Variants in ZC3H12C observed in about 807,000 individuals in gnomAD.
ZC3H12C encodes the protein probable ribonuclease ZC3H12C.
Under a neutral mutation model 76.3 loss-of-function variants are expected in ZC3H12C, and 20 were observed. The ratio of observed to expected loss-of-function variants is 0.26; its 90% CI spans 0.18 to 0.38. The LOEUF (loss-of-function observed/expected upper bound fraction) is 0.38. Ranked by LOEUF, ZC3H12C falls within the 10% of genes least tolerant of loss-of-function variation. The pLI is 1.00. For missense variants in ZC3H12C, 874 were observed against 1,086.5 expected, an observed-to-expected ratio of 0.80 and a Z score of 2.75; for synonymous variants, 352 against 399.6, an observed-to-expected ratio of 0.88 and a Z score of 1.42.
chr11:110,128,997 T>C (rs1319121503), intron 1 of ZC3H12C, among the ~76,000 whole-genome samples: 3 of 152,094 alleles, frequency 2.0e-5, no homozygotes, highest in African/African-American at 7.2e-5. Context: ...ACATTGTAAT[T>C]TGCAATAAGC....
At chr11:110,114,446 A>G (rs1444226342) in intron 1 of ZC3H12C, among the ~76,000 whole-genome samples, 1 of 152,154 alleles carries the variant, frequency 6.6e-6, no homozygotes, top group Non-Finnish European at 1.5e-5. Flanking sequence ...AATACATTTT[A>G]TAGTTCTTAA....
intron 4 of ZC3H12C, among the ~76,000 whole-genome samples, chr11:110,161,242 T>G (rs773110044): frequency 6.6e-6 from 1 of 152,222 alleles, no homozygotes; most frequent in Non-Finnish European, 1.5e-5. Context: ...TGTACCAGCA[T>G]CAGCATGATC....
chr11:110,118,843 G>T (rs1199942924), intron 1 of ZC3H12C, among the ~76,000 whole-genome samples: 4 of 151,570 alleles, frequency 2.6e-5, no homozygotes, highest in South Asian at 4.2e-4. Context: ...AAATATATAA[G>T]TTCCCCGTAA....
intron 2 of ZC3H12C, among the ~76,000 whole-genome samples, chr11:110,146,489 T>G (rs1023912463): frequency 6.6e-6 from 1 of 152,212 alleles, no homozygotes; most frequent in Non-Finnish European, 1.5e-5. Context: ...ATTTCCTGTC[T>G]GATTTCCCGA....
chr11:110,154,555 A>C (rs597507), intron 3 of ZC3H12C, among the ~76,000 whole-genome samples: 2 of 151,784 alleles, frequency 1.3e-5, no homozygotes, highest in African/African-American at 4.8e-5. Flanking sequence ...TTTGGGAAAA[A>C]TGTACTTGTT....
intron 1 of ZC3H12C, among the ~76,000 whole-genome samples, chr11:110,127,264 A>G (rs749787994): frequency 1.3e-5 from 2 of 152,214 alleles, no homozygotes; most frequent in African/African-American, 2.4e-5. Context: ...CATACAGGCA[A>G]TATTCTTAGC....
chr11:110,158,925 G>A (rs1472977489), intron 3 of ZC3H12C, among the ~76,000 whole-genome samples: 1 of 152,228 alleles, frequency 6.6e-6, no homozygotes, highest in Admixed American at 6.5e-5. Flanking sequence ...TAGGAACGTG[G>A]AAGAAGCTGT....
chr11:110,125,310 TGTGTGTGTGTGG>T (rs1273397672), intron 1 of ZC3H12C, among the ~76,000 whole-genome samples: 13 of 145,386 alleles, frequency 8.9e-5, no homozygotes, highest in Middle Eastern at 7.0e-3. Flanking sequence ...TGTGTGTGTG[TGTGTGTGTGTGG>T]TTTTTTTTGT....
At chr11:110,146,105 G>C (rs1293312786) in intron 2 of ZC3H12C, among the ~76,000 whole-genome samples, 2 of 152,124 alleles carry the variant, frequency 1.3e-5, no homozygotes, top group Non-Finnish European at 2.9e-5. Context: ...TCCTGCCTCA[G>C]CCTCCTGAGT....
chr11:110,146,741 C>G (rs1316602919), intron 2 of ZC3H12C, among the ~76,000 whole-genome samples: 17 of 152,156 alleles, frequency 1.1e-4, no homozygotes, highest in Admixed American at 1.1e-3. Flanking sequence ...TTGTCTTTAT[C>G]TTTCTACATT....
chr11:110,101,016 G>C (rs931864966), intron 1 of ZC3H12C, among the ~76,000 whole-genome samples: 1 of 152,088 alleles, frequency 6.6e-6, no homozygotes, highest in African/African-American at 2.4e-5. Flanking sequence ...CTACTCCAGT[G>C]AACACACAAA....
chr11:110,163,486 G>T, intron 5 of ZC3H12C, 107 bp downstream of exon 5: 1 of 775,810 alleles, frequency 1.3e-6, no homozygotes, highest in Non-Finnish European at 2.0e-6. Context: ...ATAATATGCA[G>T]TTCTTTGGAT....
intron 2 of ZC3H12C, among the ~76,000 whole-genome samples, chr11:110,143,407 C>T (rs912442058): frequency 2.0e-5 from 3 of 150,912 alleles, no homozygotes; most frequent in Non-Finnish European, 4.4e-5. Flanking sequence ...TTCATGTGTC[C>T]AAGATGGTTT....
chr11:110,100,079 C>T (rs1279571141), intron 1 of ZC3H12C, among the ~76,000 whole-genome samples: 2 of 152,030 alleles, frequency 1.3e-5, no homozygotes, highest in Non-Finnish European at 2.9e-5. Context: ...AGGATTTTTA[C>T]CTTGTTAGTA....
intron 1 of ZC3H12C, among the ~76,000 whole-genome samples, chr11:110,096,833 G>A (rs1473437669): frequency 6.6e-6 from 1 of 152,186 alleles, no homozygotes; most frequent in African/African-American, 2.4e-5. Flanking sequence ...GGCAAGGACC[G>A]TGTCTTTTTG....
chr11:110,102,933 A>AT (rs1031481483), intron 1 of ZC3H12C, among the ~76,000 whole-genome samples: 2 of 152,192 alleles, frequency 1.3e-5, no homozygotes, highest in East Asian at 1.9e-4. Flanking sequence ...AGGCATGTAC[A>AT]TTTTTTTAGA....
chr11:110,154,880 G>C (rs1862347232), intron 3 of ZC3H12C, among the ~76,000 whole-genome samples: 1 of 130,674 alleles, frequency 7.7e-6, no homozygotes, highest in African/African-American at 2.8e-5. Context: ...AGCATCAAAA[G>C]GCTAGGAATA....
intron 2 of ZC3H12C, among the ~76,000 whole-genome samples, chr11:110,141,948 A>G (rs1400307510): frequency 2.0e-5 from 3 of 152,166 alleles, no homozygotes; most frequent in African/African-American, 7.2e-5. Flanking sequence ...TTATATTTCT[A>G]TTGAATAGCC....
intron 2 of ZC3H12C, among the ~76,000 whole-genome samples, chr11:110,146,004 T>C (rs1377184849): frequency 2.6e-5 from 4 of 152,224 alleles, no homozygotes; most frequent in African/African-American, 4.8e-5. Flanking sequence ...GTTTTGTTTT[T>C]GAGACGGAGT....
Sources: gnomAD v4.1 joint callset for allele counts (sites outside exome capture counted in the v4.1 genomes callset) on GRCh38, gnomAD v4.1.1 for gene constraint, MANE v1.5 for transcripts, NCBI Gene and HGNC (gene_info 2026-07-23, HGNC 2026-07-21) for gene names.